Variants in RABIF observed in about 807,000 individuals in gnomAD.
The protein encoded by RABIF is RAB interacting factor.
RABIF carries 13 observed loss-of-function variants against 12.3 expected under a neutral mutation model. That is an observed-to-expected ratio of 1.06 (90% CI 0.69 to 1.68). The LOEUF (loss-of-function observed/expected upper bound fraction) is 1.68, where lower values mean the gene tolerates loss of function less well. Ranked by LOEUF, RABIF falls within the 40% of genes most tolerant of loss-of-function variation. The probability of loss-of-function intolerance (pLI) is 0.00; values close to 1 mark genes in which losing one functional copy is unlikely to be tolerated. For missense variants in RABIF, 153 were observed against 158.0 expected (o/e 0.97, Z 0.17); for synonymous variants, 70 against 63.3 (o/e 1.11, Z -0.50).
intron 1 of RABIF, among the ~76,000 whole-genome samples, 154 bp downstream of exon 1, chr1:202,888,819 G>C (rs569949202): frequency 3.9e-5 from 6 of 152,366 alleles, no homozygotes; most frequent in East Asian, 3.9e-4. Flanking sequence ...CCCAGGGGCG[G>C]AGCCTCGCCG....
chr1:202,883,603 A>C (rs997799154), intron 1 of RABIF, among the ~76,000 whole-genome samples: 1 of 152,210 alleles, frequency 6.6e-6, no homozygotes, highest in African/African-American at 2.4e-5. Context: ...ACATCTAACC[A>C]ATCAACCAAG....
chr1:202,888,868 G>A, intron 1 of RABIF, 105 bp downstream of exon 1: 4 of 1,401,944 alleles, frequency 2.9e-6, no homozygotes, highest in South Asian at 1.5e-5. Context: ...GCCGCGCGAG[G>A]AGGGCGCGGT....
At chr1:202,885,608 T>G (rs144742260) in intron 1 of RABIF, among the ~76,000 whole-genome samples, 1 of 152,376 alleles carries the variant, frequency 6.6e-6, no homozygotes, top group African/African-American at 2.4e-5. Flanking sequence ...AAAGCTTTAG[T>G]TAAGGAGCTC....
At chr1:202,881,291 T>C (rs1446398881) in intron 1 of RABIF, 68 bp from the exon 2 acceptor site, 4 of 1,538,784 alleles carry the variant, frequency 2.6e-6, no homozygotes, top group Non-Finnish European at 3.5e-6. Context: ...ACCCCCGTTC[T>C]AGGTACACTT....
intron 1 of RABIF, among the ~76,000 whole-genome samples, chr1:202,887,585 C>T (rs1176545163): frequency 2.0e-5 from 3 of 151,130 alleles, no homozygotes; most frequent in African/African-American, 7.3e-5. Context: ...ACAACCTCGG[C>T]TTCCCAGGTT....
At chr1:202,888,701 C>G (rs1005156338) in intron 1 of RABIF, among the ~76,000 whole-genome samples, 1 of 152,154 alleles carries the variant, frequency 6.6e-6, no homozygotes, top group Non-Finnish European at 1.5e-5. Context: ...GCTCGAAGCC[C>G]CCCCGGGGGC....
intron 1 of RABIF, among the ~76,000 whole-genome samples, chr1:202,888,772 G>A (rs911333885): frequency 2.0e-5 from 3 of 152,236 alleles, no homozygotes; most frequent in African/African-American, 7.2e-5. Context: ...AAAAGATGCC[G>A]GGGCGGGACC....
chr1:202,881,167 G>A lies in RABIF; in HGVS notation c.183C>T (p.Asp61=), dbSNP rs750544846. 6.8e-6 allele frequency: 11 copies of A among 1,614,016 alleles called. No individual in the cohort carries two copies. The highest frequency in any genetic ancestry group is 2.2e-5 in the East Asian group (1 of 44,898). ...GCCAGTGTTCCTGGAGGAGATCGCC[G>A]TCAGGATTGCTGCCGTCAGACAGAG... is the stretch of plus-strand genomic sequence containing the variant. ...KPALSDGSNP[D]GDLLQEHWLV... Residue 61 remains aspartate, a synonymous_variant, in exon 2 of 2, where the codon GAC becomes GAT. Coordinates refer to ENST00000367262, the MANE Select transcript of RABIF (RefSeq NM_002871.5).
rs982852365 is a variant in RABIF at position 202,889,100 on chromosome 1, G to A, written c.-2C>T. On this transcript the variant is annotated 5_prime_UTR_variant, in exon 1 of 2. Transcript: ENST00000367262. ...GCTCGGCTGCTCCGCTGGTTCCATC[G>A]CCGCTGCCGCCACAGGCTCCTCAGC... The A allele has an allele frequency of 1.9e-6, 3 of 1,599,906 alleles. No individual in the cohort carries two copies. Among genetic ancestry groups the A allele is most frequent in the South Asian group, 1.1e-5 (1 of 89,970 alleles).
At chr1:202,881,635 T>C (rs771625407) in intron 1 of RABIF, among the ~76,000 whole-genome samples, 3 of 152,188 alleles carry the variant, frequency 2.0e-5, no homozygotes, top group African/African-American at 7.2e-5. Flanking sequence ...TCTCGATCTC[T>C]TGACCTCGTG....
Position 202,880,783 on chromosome 1 carries a change from A to C in RABIF, c.*195T>G. On this transcript the variant is annotated 3_prime_UTR_variant, in exon 2 of 2. Coordinates refer to ENST00000367262, the MANE Select transcript of RABIF (RefSeq NM_002871.5). Reference sequence around the variant, plus strand: ...GCTTAGGAAATGTGATACAAAGTGAACTAAGCAGGAGGCATGTACTTGAGG... The same window carrying C: ...GCTTAGGAAATGTGATACAAAGTGACCTAAGCAGGAGGCATGTACTTGAGG... The C allele has an allele frequency of 7.4e-7, 1 of 1,354,328 alleles. No individual in the cohort carries two copies. The highest frequency in any genetic ancestry group is 9.5e-7 in the Non-Finnish European group (1 of 1,051,656). 83.9% of individuals were successfully genotyped at this position (1,354,328 alleles called of 1,614,324 possible). A position where few individuals can be genotyped will look rare whatever the true frequency, so the allele number is the denominator to read the frequency against.
chr1:202,887,024 G>GTTTTTTT (rs61356068), intron 1 of RABIF, among the ~76,000 whole-genome samples: 8 of 90,682 alleles, frequency 8.8e-5, no homozygotes, highest in African/African-American at 2.4e-4. Context: ...TGTGGGCTAT[G>GTTTTTTT]TTTTGTTTTT....
At chr1:202,883,194 CTTTT>C (rs535085127) in intron 1 of RABIF, among the ~76,000 whole-genome samples, 1 of 152,066 alleles carries the variant, frequency 6.6e-6, no homozygotes, top group Non-Finnish European at 1.5e-5. Context: ...CCACGATATA[CTTTT>C]TTGTTTTTTT....
At position 202,879,070 on chromosome 1, in the gene RABIF, G is replaced by GAAAT. The variant is rs1659450888; in HGVS notation, c.*1904_*1907dup. Reference sequence around the variant, plus strand: ...TTGGCAGTTCTCAAAAAAGGAAATAGAAATGACCGATACGTATATAAAAGT... The same window carrying GAAAT: ...TTGGCAGTTCTCAAAAAAGGAAATAGAAATAAATGACCGATACGTATATAAAAGT... On this transcript the variant is annotated 3_prime_UTR_variant, in exon 2 of 2. Coordinates refer to ENST00000367262, the MANE Select transcript of RABIF (RefSeq NM_002871.5). 6.6e-6 allele frequency: 1 copy of GAAAT among 152,206 alleles called. No individual in the cohort carries two copies. The highest frequency in any genetic ancestry group is 1.9e-4 in the East Asian group (1 of 5,204). The allele number at this position is 152,206 out of a possible 1,614,324, so 9.4% of individuals were successfully genotyped here.
chr1:202,888,783 CG>C (rs1659603562), intron 1 of RABIF, among the ~76,000 whole-genome samples, 189 bp downstream of exon 1: 1 of 152,192 alleles, frequency 6.6e-6, no homozygotes, highest in Admixed American at 6.5e-5. Context: ...GGGCGGGACC[CG>C]GTTCCCTCCC....
intron 1 of RABIF, among the ~76,000 whole-genome samples, chr1:202,881,800 A>G (rs1182953647): frequency 6.6e-6 from 1 of 152,126 alleles, no homozygotes; most frequent in African/African-American, 2.4e-5. Context: ...TCCCCGGCTC[A>G]TTATGCTTCA....
intron 1 of RABIF, among the ~76,000 whole-genome samples, chr1:202,885,054 T>C (rs1659540012): frequency 7.2e-6 from 1 of 138,330 alleles, no homozygotes; most frequent in African/African-American, 2.9e-5. Context: ...GCCACTGCAC[T>C]CCAGCCTGGG....
chr1:202,883,738 T>C (rs896202568), intron 1 of RABIF, among the ~76,000 whole-genome samples: 1 of 152,218 alleles, frequency 6.6e-6, no homozygotes, highest in African/African-American at 2.4e-5. Context: ...ACCTGTCCAG[T>C]TGTCTCTCCT....
At chr1:202,884,380 C>A (rs1306184741) in intron 1 of RABIF, among the ~76,000 whole-genome samples, 1 of 152,090 alleles carries the variant, frequency 6.6e-6, no homozygotes, top group East Asian at 1.9e-4. Context: ...GTGTTGTTTT[C>A]AAAAAATTCT....
Sources: allele counts gnomAD v4.1 joint callset (sites outside exome capture counted in the v4.1 genomes callset), GRCh38; gene constraint gnomAD v4.1.1; transcripts MANE v1.5; gene names NCBI Gene and HGNC (gene_info 2026-07-23, HGNC 2026-07-21).